PAPPA2: variants seen among roughly 807,000 people sequenced by gnomAD.
PAPPA2 encodes pappalysin 2.
Under a neutral mutation model 176.4 loss-of-function variants are expected in PAPPA2, and 86 were observed. The ratio of observed to expected loss-of-function variants is 0.49; its 90% CI spans 0.41 to 0.58. The LOEUF is 0.58. Ranked by LOEUF, PAPPA2 falls within the 20% of genes least tolerant of loss-of-function variation. The probability of loss-of-function intolerance (pLI) is 0.00; values close to 1 mark genes in which losing one functional copy is unlikely to be tolerated. For missense variants in PAPPA2, 2,073 were observed against 2,256.9 expected, an observed-to-expected ratio of 0.92 and a Z score of 1.65; for synonymous variants, 809 against 852.2, an observed-to-expected ratio of 0.95 and a Z score of 0.88.
chr1:176,527,962 AACTTGTCCTGG>A (rs1318859059), intron 1 of PAPPA2, among the ~76,000 whole-genome samples: 1 of 152,186 alleles, frequency 6.6e-6, no homozygotes, highest in African/African-American at 2.4e-5. Context: ...AACTCATTTC[AACTTGTCCTGG>A]ACTTTTCTGG....
At chr1:176,470,678 C>T (rs193158681) in intron 1 of PAPPA2, among the ~76,000 whole-genome samples, 2 of 152,338 alleles carry the variant, frequency 1.3e-5, no homozygotes, top group African/African-American at 4.8e-5. Context: ...GAGAAATACT[C>T]AACTCCCAGT....
Position 176,489,189 on chromosome 1 carries a change from C to T in PAPPA2, c.-917+25771C>T, listed in dbSNP as rs114980697. ...GTTAACACTACTATATATGCTATAT[C>T]CTGATATTTTCTATCATGCCCTGTT... On this transcript the variant is annotated intron_variant, in intron 1 of 22. Transcript: ENST00000367662. Among the ~76,000 whole-genome samples the T allele has an allele frequency of 5.2e-3, 796 of 152,234 alleles. 6 individuals are homozygous for T. Among genetic ancestry groups the T allele is most frequent in the Middle Eastern group, 0.017 (5 of 294 alleles).
At chr1:176,495,850 C>G (rs1313857046) in intron 1 of PAPPA2, among the ~76,000 whole-genome samples, 1 of 151,710 alleles carries the variant, frequency 6.6e-6, no homozygotes, top group East Asian at 1.9e-4. Context: ...TCACTGCAGC[C>G]TCAAACTCCT....
intron 3 of PAPPA2, among the ~76,000 whole-genome samples, chr1:176,639,856 G>A (rs548578001): frequency 2.6e-5 from 4 of 151,640 alleles, no homozygotes; most frequent in Admixed American, 2.0e-4. Context: ...TTTGCTATGT[G>A]CTTTACATAC....
intron 20 of PAPPA2, 58 bp downstream of exon 20, chr1:176,793,727 A>G (rs555605200): frequency 4.8e-5 from 65 of 1,343,986 alleles, no homozygotes; most frequent in Non-Finnish European, 6.2e-5. Context: ...CAACACTTGG[A>G]GCATTATTTT....
At chr1:176,633,785 T>C (rs900732552) in intron 3 of PAPPA2, among the ~76,000 whole-genome samples, 20 of 152,218 alleles carry the variant, frequency 1.3e-4, no homozygotes, top group Middle Eastern at 3.4e-3. Flanking sequence ...GGGCAAAGGA[T>C]ATGAACAGAC....
At chr1:176,755,390 C>A (rs1663367301) in intron 14 of PAPPA2, among the ~76,000 whole-genome samples, 1 of 152,168 alleles carries the variant, frequency 6.6e-6, no homozygotes, top group South Asian at 2.1e-4. Context: ...GCTACCCTGT[C>A]TTCATGCCCT....
chr1:176,706,222 A>C (rs1443331111), intron 9 of PAPPA2, 137 bp from the exon 10 acceptor site: 1 of 651,976 alleles, frequency 1.5e-6, no homozygotes, highest in Non-Finnish European at 2.6e-6. Context: ...CTGTAAAAGC[A>C]TTCTTCTAGC....
chr1:176,468,379 G>A (rs1276335724), intron 1 of PAPPA2, among the ~76,000 whole-genome samples: 1 of 152,202 alleles, frequency 6.6e-6, no homozygotes, highest in Non-Finnish European at 1.5e-5. Context: ...CAAAACTAGG[G>A]AGGGGGTATC....
rs1658973916 is a variant in PAPPA2 at position 176,671,157 on chromosome 1, G to A, written c.2137+42G>A. On this transcript the variant is annotated intron_variant, in intron 4 of 22. Coordinates refer to ENST00000367662, the MANE Select transcript of PAPPA2 (RefSeq NM_020318.3). ...CCAAACATAGTAGGAAAAAAACAAA[G>A]AAGGCTGAAGGAAGCTTGCGAAAGT... 3 of 1,602,570 alleles carry A rather than the reference G, an allele frequency of 1.9e-6. No individual in the cohort carries two copies. The South Asian group carries it at 3.4e-5, about 18-fold the overall frequency.
At chr1:176,690,453 T>C (rs1448207366) in intron 5 of PAPPA2, 23 bp downstream of exon 5, 1 of 1,606,878 alleles carries the variant, frequency 6.2e-7, no homozygotes, top group Admixed American at 1.7e-5. Flanking sequence ...TCTTGTTTTG[T>C]TTTCTGTTAA....
Position 176,477,618 on chromosome 1 carries a change from G to A in PAPPA2, c.-917+14200G>A, listed in dbSNP as rs1219749150. Among the ~76,000 whole-genome samples, 4 of 152,002 alleles carry A rather than the reference G, an allele frequency of 2.6e-5. No homozygotes were observed. In the East Asian group the frequency reaches 7.7e-4, roughly 29 times the overall value. The stretch of plus-strand genomic sequence containing the variant: ...AAATTAGCTGGGAGTGGTGGTGTGT[G>A]CCTGTAGTCCCAGCTACTCAGGAGG... On this transcript the variant is annotated intron_variant, in intron 1 of 22. Coordinates refer to ENST00000367662, the MANE Select transcript of PAPPA2 (RefSeq NM_020318.3).
At chr1:176,617,029 C>G (rs1655302771) in intron 3 of PAPPA2, among the ~76,000 whole-genome samples, 1 of 152,166 alleles carries the variant, frequency 6.6e-6, no homozygotes, top group Non-Finnish European at 1.5e-5. Flanking sequence ...TTTACCCCAT[C>G]CAGGTCAGAA....
intron 3 of PAPPA2, among the ~76,000 whole-genome samples, chr1:176,638,567 A>G (rs975714327): frequency 1.3e-5 from 2 of 152,012 alleles, no homozygotes; most frequent in Admixed American, 1.3e-4. Context: ...CGAATTGCAC[A>G]TTCTCAGGAA....
At chr1:176,809,439 T>C (rs992267480) in intron 21 of PAPPA2, among the ~76,000 whole-genome samples, 4 of 152,228 alleles carry the variant, frequency 2.6e-5, no homozygotes, top group Non-Finnish European at 5.9e-5. Flanking sequence ...TCAATCCATC[T>C]GTTACACTAT....
Position 176,513,047 on chromosome 1 carries a change from G to T in PAPPA2, c.-916-42360G>T, listed in dbSNP as rs374262643. Among the ~76,000 whole-genome samples, 6 of 152,134 alleles carry T rather than the reference G, an allele frequency of 3.9e-5. No homozygotes were observed. In the East Asian group the frequency reaches 5.8e-4, roughly 15 times the overall value. ...CAGAACTTATACCATCAGCTCTCTT[G>T]CTTCCAAGGCCTTCAGACTTGAACT... On this transcript the variant is annotated intron_variant, in intron 1 of 22. Coordinates refer to ENST00000367662, the MANE Select transcript of PAPPA2 (RefSeq NM_020318.3).
intron 12 of PAPPA2, among the ~76,000 whole-genome samples, chr1:176,720,398 G>A (rs912603577): frequency 3.3e-5 from 5 of 151,772 alleles, no homozygotes; most frequent in African/African-American, 9.7e-5. Context: ...ATATATATAT[G>A]TGCAATATAA....
intron 2 of PAPPA2, among the ~76,000 whole-genome samples, chr1:176,559,569 TTGC>T (rs1398435164): frequency 6.6e-6 from 1 of 152,234 alleles, no homozygotes; most frequent in African/African-American, 2.4e-5. Context: ...AACCATAATG[TTGC>T]CAAAGGCATT....
intron 3 of PAPPA2, among the ~76,000 whole-genome samples, chr1:176,668,797 G>A (rs867855870): frequency 2.6e-5 from 4 of 152,132 alleles, no homozygotes; most frequent in Non-Finnish European, 4.4e-5. Context: ...TATACTTGAC[G>A]ACATATATCT....
Sources: allele counts gnomAD v4.1 joint callset (sites outside exome capture counted in the v4.1 genomes callset), GRCh38; gene constraint gnomAD v4.1.1; transcripts MANE v1.5; gene names NCBI Gene and HGNC (gene_info 2026-07-23, HGNC 2026-07-21).